TENM4: variants seen among roughly 807,000 people sequenced by gnomAD.
TENM4 encodes the protein teneurin transmembrane protein 4.
A neutral mutation model predicts 243.3 loss-of-function variants in TENM4; 82 were observed. That is an observed-to-expected ratio of 0.34 (90% CI 0.28 to 0.40). TENM4 has a LOEUF of 0.40. TENM4 is among the 10% of genes least tolerant of loss of function. TENM4 has a pLI of 1.00. For synonymous variants in TENM4, 1,412 were observed against 1,456.3 expected (o/e 0.97, Z 0.69); for missense variants, 3,138 against 3,673.3 (o/e 0.85, Z 3.77).
At chr11:78,948,772 C>T (rs1857058283) in intron 6 of TENM4, among the ~76,000 whole-genome samples, 1 of 152,194 alleles carries the variant, frequency 6.6e-6, no homozygotes, top group Admixed American at 6.5e-5. Flanking sequence ...CTACCAGAGC[C>T]TCCTACCCAC....
Position 78,712,836 on chromosome 11 carries a change from C to T in TENM4, c.3822-122G>A, listed in dbSNP as rs74814226. 839 of 939,534 alleles carry T rather than the reference C, an allele frequency of 8.9e-4. 9 individuals carry two copies. In the African/African-American group the frequency reaches 0.012, roughly 14 times the overall value. 58.2% of individuals were successfully genotyped at this position (939,534 alleles called of 1,614,324 possible). A position where few individuals can be genotyped will look rare whatever the true frequency, so the allele number is the denominator to read the frequency against. On this transcript the variant is annotated intron_variant, in intron 25 of 33. Coordinates refer to ENST00000278550, the MANE Select transcript of TENM4 (RefSeq NM_001098816.3). ...CAAAAATATCTTATGGGGATGATGC[C>T]CCTATTTTGGGTGATGGTTCCCCAA... is the stretch of plus-strand genomic sequence containing the variant.
intron 6 of TENM4, among the ~76,000 whole-genome samples, chr11:78,933,176 C>T (rs1438088032): frequency 6.6e-6 from 1 of 151,902 alleles, no homozygotes; most frequent in Non-Finnish European, 1.5e-5. Context: ...AAAAGGCTGC[C>T]CAGTGCTTCT....
At chr11:79,389,947 C>T (rs78983238) in intron 1 of TENM4, among the ~76,000 whole-genome samples, 3,829 of 152,286 alleles carry the variant, frequency 0.025, 81 homozygotes, top group Non-Finnish European at 0.033. Context: ...CGTTTGCTGA[C>T]TCCTGCTATA....
chr11:79,196,589 T>C (rs1265890727), intron 3 of TENM4, among the ~76,000 whole-genome samples: 1 of 152,102 alleles, frequency 6.6e-6, no homozygotes, highest in African/African-American at 2.4e-5. Context: ...TGGTAGCCGT[T>C]TGCCATTCCT....
chr11:78,921,016 A>G (rs1343595171), intron 6 of TENM4, among the ~76,000 whole-genome samples: 1 of 152,208 alleles, frequency 6.6e-6, no homozygotes, highest in African/African-American at 2.4e-5. Flanking sequence ...TCATTTCACG[A>G]ATGAGGAAAC....
intron 14 of TENM4, among the ~76,000 whole-genome samples, chr11:78,811,405 G>C (rs920790113): frequency 1.3e-5 from 2 of 152,172 alleles, no homozygotes; most frequent in African/African-American, 4.8e-5. Context: ...TTCTTAATTT[G>C]TGAGATAGAA....
At position 78,669,010 on chromosome 11, in the gene TENM4, C is replaced by T. The variant is rs755418723; in HGVS notation, c.7335G>A (p.Met2445Ile). Reference protein sequence around the residue: ...LWKHLSSSNVMPFNLYMFKNN... With the variant: ...LWKHLSSSNVIPFNLYMFKNN... Reference sequence around the variant, plus strand: ...TTTTGAACATATAGAGATTAAAAGGCATGACGTTGCTGCTACTAAGGTGCT... The same window carrying T: ...TTTTGAACATATAGAGATTAAAAGGTATGACGTTGCTGCTACTAAGGTGCT... The change falls in exon 32 of 34, where the codon ATG (methionine) becomes ATA (isoleucine). Residue 2445 changes from methionine to isoleucine, a missense_variant. Physicochemically the swap from Met to Ile is conservative, Grantham distance 10. Around this residue, in one of 2 missense-constraint regions of TENM4, gnomAD observed 2,467 missense variants for 3,059.1 expected, o/e 0.81. Coordinates refer to ENST00000278550, the MANE Select transcript of TENM4 (RefSeq NM_001098816.3). This position sits in a 1 kb window ranked among gnomAD's most constrained non-coding sequence, Gnocchi z 6.4. The T allele has an allele frequency of 1.9e-6, 3 of 1,613,952 alleles. No homozygotes were observed. Among genetic ancestry groups the T allele is most frequent in the South Asian group, 1.1e-5 (1 of 91,072 alleles).
At chr11:79,156,304 T>C (rs1471729244) in intron 3 of TENM4, among the ~76,000 whole-genome samples, 1 of 152,220 alleles carries the variant, frequency 6.6e-6, no homozygotes, top group Non-Finnish European at 1.5e-5. Context: ...AAGTCCTGCA[T>C]GGAAGAGTGA....
At chr11:78,725,274 G>C (rs1855486025) in intron 23 of TENM4, among the ~76,000 whole-genome samples, 1 of 152,194 alleles carries the variant, frequency 6.6e-6, no homozygotes, top group Non-Finnish European at 1.5e-5. Flanking sequence ...GTAAATTTTA[G>C]AATTAGTTTG....
Position 79,164,076 on chromosome 11 carries a change from CACTATATATACTATGTATATAT to C in TENM4, c.-162-15292_-162-15271del, listed in dbSNP as rs1862835597. ...ACTATGTATATATAGTGTATATATA[CACTATATATACTATGTATATAT>C]AGTATATATACACTATATATACTAT... On this transcript the variant is annotated intron_variant, in intron 3 of 33. Coordinates refer to ENST00000278550, the MANE Select transcript of TENM4 (RefSeq NM_001098816.3). Among the ~76,000 whole-genome samples, 4 of 28,934 alleles carry C rather than the reference CACTATATATACTATGTATATAT, an allele frequency of 1.4e-4. No homozygotes were observed. In the South Asian group the frequency reaches 5.2e-3, roughly 38 times the overall value. The allele number at this position is 28,934 out of a possible 152,430, so 19.0% of individuals were successfully genotyped here.
intron 28 of TENM4, among the ~76,000 whole-genome samples, chr11:78,688,863 C>G (rs1858748724): frequency 6.6e-6 from 1 of 152,156 alleles, no homozygotes. Flanking sequence ...CTCTTAGAAC[C>G]CCCACAGCTT....
intron 22 of TENM4, among the ~76,000 whole-genome samples, chr11:78,727,910 C>A (rs762489925): frequency 6.5e-4 from 99 of 152,198 alleles, no homozygotes; most frequent in Non-Finnish European, 1.2e-3. Flanking sequence ...CTTGTAGATG[C>A]CATAAAAGAC....
Position 79,284,093 on chromosome 11 carries a change from T to C in TENM4, c.-265+13395A>G, listed in dbSNP as rs116024687. On this transcript the variant is annotated intron_variant, in intron 2 of 33. Transcript: ENST00000278550. Reference sequence around the variant, plus strand: ...TGGGAAGATATCTCATGTTTGTGGATTGGGAGATTTAATATTGTTTGGATA... The same window carrying C: ...TGGGAAGATATCTCATGTTTGTGGACTGGGAGATTTAATATTGTTTGGATA... Among the ~76,000 whole-genome samples, 1,061 of 152,298 alleles carry C rather than the reference T, an allele frequency of 7.0e-3. 19 individuals are homozygous for C. Among genetic ancestry groups the C allele is most frequent in the African/African-American group, 0.024 (1,015 of 41,566 alleles).
chr11:79,432,981 T>A (rs879578031), intron 1 of TENM4, among the ~76,000 whole-genome samples: 3 of 152,136 alleles, frequency 2.0e-5, no homozygotes, highest in Non-Finnish European at 2.9e-5. Context: ...TCATTTTCCA[T>A]CTCCTATAGG....
intron 26 of TENM4, 136 bp from the exon 27 acceptor site, chr11:78,708,651 C>T: frequency 1.4e-5 from 15 of 1,048,386 alleles, no homozygotes; most frequent in Non-Finnish European, 2.0e-5. Flanking sequence ...TCATTCCTCT[C>T]TCAAAGAGGA....
At chr11:79,135,155 A>C (rs573116541) in intron 4 of TENM4, among the ~76,000 whole-genome samples, 160 of 152,242 alleles carry the variant, frequency 1.1e-3, no homozygotes, top group South Asian at 3.5e-3. Context: ...TAAGCAAAAA[A>C]CAAATAATCC....
chr11:79,022,773 A>C lies in TENM4; in HGVS notation c.493+41965T>G, dbSNP rs566235610. On this transcript the variant is annotated intron_variant, in intron 6 of 33. Transcript: ENST00000278550. Reference sequence around the variant, plus strand: ...ATGATGGATGAAGATTGTGGTGATAAGCATGATGAATATATTGAGAAGGTG... The same window carrying C: ...ATGATGGATGAAGATTGTGGTGATACGCATGATGAATATATTGAGAAGGTG... 2.0e-5 allele frequency among the ~76,000 whole-genome samples: 3 copies of C among 152,312 alleles called. No homozygotes were observed. The South Asian group carries it at 6.2e-4, about 32-fold the overall frequency.
rs577444435 is a variant in TENM4, at chr11:78,786,804, T to C, written c.2365+94A>G. 46 of 1,502,840 alleles carry C rather than the reference T, an allele frequency of 3.1e-5. No individual in the cohort carries two copies. In the African/African-American group the frequency reaches 3.9e-4, roughly 13 times the overall value. The allele number at this position is 1,502,840 out of a possible 1,614,324, so 93.1% of individuals were successfully genotyped here. A position where few individuals can be genotyped will look rare whatever the true frequency, so the allele number is the denominator to read the frequency against. On this transcript the variant is annotated intron_variant, in intron 16 of 33. Coordinates refer to ENST00000278550, the MANE Select transcript of TENM4 (RefSeq NM_001098816.3). ...AAGGACTTTCTTCCCCATCCCCACA[T>C]GCGATGAGGGCCCAGGCTGGCCCTG... is the stretch of plus-strand genomic sequence containing the variant.
At chr11:79,346,473 T>A (rs1857328656) in intron 1 of TENM4, among the ~76,000 whole-genome samples, 1 of 152,204 alleles carries the variant, frequency 6.6e-6, no homozygotes, top group Non-Finnish European at 1.5e-5. Context: ...AATAAACATG[T>A]GTTTATTGAA....
Sources: gnomAD v4.1 joint callset for allele counts (sites outside exome capture counted in the v4.1 genomes callset) on GRCh38, gnomAD v4.1.1 for gene constraint, gnomAD v4.1.1 regional missense constraint, Gnocchi (gnomAD v3.1) non-coding constraint, MANE v1.5 for transcripts, NCBI Gene and HGNC (gene_info 2026-07-23, HGNC 2026-07-21) for gene names.